Variants in PLS3 observed in about 807,000 individuals in gnomAD.
PLS3 encodes the protein plastin 3, also known as plastin-3.
In PLS3, 11 loss-of-function variants were observed where a neutral mutation model predicts 46.5. That is an observed-to-expected ratio of 0.24 (90% confidence interval 0.15 to 0.39). The LOEUF is 0.39. Ranked by LOEUF, PLS3 falls within the 10% of genes least tolerant of loss-of-function variation. The pLI is 1.00. For missense variants in PLS3, 308 were observed against 461.8 expected, an observed-to-expected ratio of 0.67 and a Z score of 3.05; for synonymous variants, 167 against 162.2, an observed-to-expected ratio of 1.03 and a Z score of -0.22.
intron 1 of PLS3, among the ~76,000 whole-genome samples, chrX:115,606,930 C>T (rs2074499316): frequency 9.0e-6 from 1 of 110,802 alleles, no homozygotes; most frequent in Admixed American, 9.7e-5. Context: ...GCTGGGATTG[C>T]AGTTCTTTTT....
intron 9 of PLS3, among the ~76,000 whole-genome samples, chrX:115,642,291 T>C (rs992083600): frequency 1.4e-4 from 16 of 111,344 alleles, no homozygotes; most frequent in African/African-American, 5.2e-4. Flanking sequence ...ACTTTTTTAA[T>C]CCTTCAATTC....
rs147649724 is a variant in PLS3, at chrX:115,639,883, T to A, written c.892-525T>A. 319 of 436,524 alleles carry A rather than the reference T, an allele frequency of 7.3e-4. No homozygotes were observed. In the African/African-American group the frequency reaches 7.3e-3, roughly 10 times the overall value. The allele number at this position is 436,524 out of a possible 1,213,427, so 36.0% of individuals were successfully genotyped here. On this transcript the variant is annotated intron_variant, in intron 8 of 15. Transcript: ENST00000355899. ...CTTTGTTTTGTTAAGTACATTCAGATCATAGAGGGTTCAGTGTTATTTTAG... is the reference window on the plus strand; with the variant it reads ...CTTTGTTTTGTTAAGTACATTCAGAACATAGAGGGTTCAGTGTTATTTTAG...
intron 1 of PLS3, among the ~76,000 whole-genome samples, chrX:115,569,247 C>T (rs1271913993): frequency 8.2e-5 from 9 of 110,085 alleles, no homozygotes; most frequent in African/African-American, 2.7e-4. Flanking sequence ...TTTTTTGAAA[C>T]GGAACTGTTA....
At chrX:115,566,479 C>T (rs1603214276) in intron 1 of PLS3, among the ~76,000 whole-genome samples, 1 of 109,747 alleles carries the variant, frequency 9.1e-6, no homozygotes, top group African/African-American at 3.3e-5. Context: ...AGCTCCTCCT[C>T]CCGGGTTCAG....
At chrX:115,577,332 T>C (rs2147424615) in intron 1 of PLS3, among the ~76,000 whole-genome samples, 1 of 111,862 alleles carries the variant, frequency 8.9e-6, no homozygotes, top group East Asian at 2.8e-4. Flanking sequence ...CTAGGTCATA[T>C]TCAACCCAGA....
chrX:115,607,392 C>T (rs930250372), intron 1 of PLS3, among the ~76,000 whole-genome samples: 2 of 111,882 alleles, frequency 1.8e-5, no homozygotes, highest in South Asian at 3.7e-4. Context: ...AACCTGTCTA[C>T]TGAGAAGTTA....
chrX:115,567,709 C>CTTTTTTTTTTTTTTTTT (rs782653479), intron 1 of PLS3, among the ~76,000 whole-genome samples: 1 of 81,949 alleles, frequency 1.2e-5, no homozygotes, highest in African/African-American at 5.1e-5. Flanking sequence ...TTTTCTTCTT[C>CTTTTTTTTTTTTTTTTT]TTTTTTTTTT....
rs1342960992 is a variant in PLS3 at position 115,634,076 on chromosome X, A to G, written c.577A>G (p.Ile193Val). ...INKKKLTPFIIQENLNLALNS... is the reference protein window; with the variant it reads ...INKKKLTPFIVQENLNLALNS... ...CAAGAAGAAACTTACACCCTTCATC[A>G]TTCAGGTATGCATTGTTCTCCCCTC... The change falls in exon 6 of 16, where the codon ATT becomes GTT. Residue 193 changes from isoleucine (I) to valine (V), a missense_variant. Ile to Val is a conservative substitution (Grantham distance 29). Transcript: ENST00000355899. 16 of 1,098,815 alleles carry G rather than the reference A, an allele frequency of 1.5e-5. No homozygotes were observed. The highest frequency in any genetic ancestry group is 1.9e-5 in the Non-Finnish European group (15 of 797,151). The allele number at this position is 1,098,815 out of a possible 1,213,427, so 90.6% of individuals were successfully genotyped here.
intron 1 of PLS3, among the ~76,000 whole-genome samples, chrX:115,604,956 A>G (rs2074477012): frequency 8.9e-6 from 1 of 112,049 alleles, no homozygotes; most frequent in Non-Finnish European, 1.9e-5. Flanking sequence ...AGTGGCATAA[A>G]GAAATCTACA....
At chrX:115,602,606 TTTTC>T (rs2074455455) in intron 1 of PLS3, among the ~76,000 whole-genome samples, 1 of 111,342 alleles carries the variant, frequency 9.0e-6, no homozygotes, top group African/African-American at 3.3e-5. Flanking sequence ...ACAACACCCC[TTTTC>T]TGATCATTCT....
At chrX:115,646,937 A>G (rs1462989816) in intron 13 of PLS3, among the ~76,000 whole-genome samples, 1 of 112,476 alleles carries the variant, frequency 8.9e-6, no homozygotes, top group Non-Finnish European at 1.9e-5. Flanking sequence ...CAGCCAAAGC[A>G]CAGCTTATTT....
At chrX:115,580,314 T>C (rs782491303) in intron 1 of PLS3, among the ~76,000 whole-genome samples, 2 of 112,456 alleles carry the variant, frequency 1.8e-5, no homozygotes, top group Admixed American at 1.9e-4. Flanking sequence ...CCTAAAGTTT[T>C]ATAGTTTTAT....
intron 1 of PLS3, among the ~76,000 whole-genome samples, chrX:115,565,896 TAAG>T (rs1477313343): frequency 8.9e-6 from 1 of 112,059 alleles, no homozygotes; most frequent in East Asian, 2.8e-4. Context: ...TATTTGATAA[TAAG>T]GAGGTAGTGT....
chrX:115,624,385 G>C (rs1189184777), intron 3 of PLS3: 3 of 111,556 alleles, frequency 2.7e-5, no homozygotes, highest in African/African-American at 9.8e-5. Context: ...TCAATAGTAA[G>C]TTGCAGTTTA....
In PLS3 at chrX:115,646,173, C is replaced by T. The variant is rs1556641663; in HGVS notation, c.1364C>T (p.Ala455Val). ...VNKPPYPKLG[A>V]NMKKLENCNY... The stretch of plus-strand genomic sequence containing the variant: ...AAACCTCCATACCCGAAACTGGGAG[C>T]CAACATGAAAAAGGTAGATAATTAA... The change falls in exon 12 of 16, where the codon GCC becomes GTC. Residue 455 changes from alanine to valine, a missense_variant. By Grantham distance (64) the Ala-to-Val change is moderately conservative. Around this residue, in one of 2 missense-constraint regions of PLS3, gnomAD observed 271 missense variants for 435.7 expected, o/e 0.62. Coordinates refer to ENST00000355899, the MANE Select transcript of PLS3 (RefSeq NM_005032.7). 8.9e-7 allele frequency: 1 copy of T among 1,118,863 alleles called. No homozygotes were observed. Among genetic ancestry groups the T allele is most frequent in the South Asian group, 1.9e-5 (1 of 52,406 alleles). 92.2% of individuals were successfully genotyped at this position (1,118,863 alleles called of 1,213,427 possible).
chrX:115,619,460 A>G (rs940723270), intron 2 of PLS3, among the ~76,000 whole-genome samples: 7 of 112,314 alleles, frequency 6.2e-5, no homozygotes, highest in African/African-American at 2.3e-4. Context: ...AACAAGAGCC[A>G]CTAAAATTTT....
chrX:115,620,883 G>A (rs1300426466), intron 2 of PLS3, among the ~76,000 whole-genome samples: 1 of 107,366 alleles, frequency 9.3e-6, no homozygotes, highest in Non-Finnish European at 1.9e-5. Context: ...TAGTGAAGAC[G>A]GGGTTTTGCC....
At chrX:115,633,368 C>G (rs2074798117) in intron 5 of PLS3, among the ~76,000 whole-genome samples, 1 of 110,701 alleles carries the variant, frequency 9.0e-6, no homozygotes, top group Admixed American at 9.6e-5. Flanking sequence ...ACGGGGTTTT[C>G]CCATGTTGGC....
At chrX:115,612,438 G>A (rs1556636232) in intron 2 of PLS3, among the ~76,000 whole-genome samples, 1 of 111,258 alleles carries the variant, frequency 9.0e-6, no homozygotes, top group East Asian at 2.8e-4. Flanking sequence ...AACCGTCAAA[G>A]GTGTTATAGA....
Sources: gnomAD v4.1 joint callset for allele counts (sites outside exome capture counted in the v4.1 genomes callset) on GRCh38, gnomAD v4.1.1 for gene constraint, gnomAD v4.1.1 regional missense constraint, MANE v1.5 for transcripts, NCBI Gene and HGNC (gene_info 2026-07-23, HGNC 2026-07-21) for gene names.